The following RNF38 variants were observed in gnomAD, a reference collection of about 807,000 sequenced individuals.
RNF38 encodes ring finger protein 38.
In RNF38, 15 loss-of-function variants were observed where a neutral mutation model predicts 67.2. The observed-to-expected ratio is 0.22, with a 90% CI of 0.15 to 0.34. The LOEUF is 0.34. Among genes scored for constraint, RNF38 ranks in the 10% least tolerant of loss-of-function variants. The pLI is 1.00. For missense variants in RNF38, 524 were observed against 639.9 expected (o/e 0.82, Z 1.95); for synonymous variants, 220 against 218.8 (o/e 1.01, Z -0.05).
intron 2 of RNF38, among the ~76,000 whole-genome samples, chr9:36,421,719 C>T (rs1373640590): frequency 6.6e-6 from 1 of 152,044 alleles, no homozygotes; most frequent in Non-Finnish European, 1.5e-5. Flanking sequence ...CGTAAACGTG[C>T]TCTATGATCC....
chr9:36,372,737 G>A (rs953326658), intron 3 of RNF38: 1 of 461,920 alleles, frequency 2.2e-6, no homozygotes, highest in East Asian at 3.2e-5. Context: ...GCTTTTCAAA[G>A]AACTCAAAGC....
intron 1 of RNF38, among the ~76,000 whole-genome samples, chr9:36,460,052 T>C (rs1839690846): frequency 6.6e-6 from 1 of 152,162 alleles, no homozygotes; most frequent in African/African-American, 2.4e-5. Flanking sequence ...TGCTTCTTAA[T>C]ATCTAAAAAC....
rs1274611229 is a variant in RNF38, at chr9:36,458,938, G to A, written n.241+28370C>T. On this transcript the variant is annotated intron_variant and non_coding_transcript_variant, in intron 1 of 3. Transcript: ENST00000488058. ...CAGAAAGATTGCCCTCTGGCTGGAC[G>A]CGGTGGATCACCTGTAATCCCAGCA... 9.2e-5 allele frequency among the ~76,000 whole-genome samples: 14 copies of A among 152,244 alleles called. No individual in the cohort carries two copies. The East Asian group carries it at 1.9e-3, about 21-fold the overall frequency.
intron 2 of RNF38, among the ~76,000 whole-genome samples, chr9:36,419,475 T>C (rs1838562250): frequency 6.6e-6 from 1 of 152,204 alleles, no homozygotes; most frequent in African/African-American, 2.4e-5. Flanking sequence ...TGGCAATGTA[T>C]CAAGAACTCT....
intron 1 of RNF38, among the ~76,000 whole-genome samples, chr9:36,393,091 C>T (rs955233282): frequency 2.0e-5 from 3 of 152,162 alleles, no homozygotes; most frequent in Admixed American, 6.5e-5. Context: ...TCCTTTGTAG[C>T]GTGTTATCCT....
At chr9:36,352,900 C>T (rs558060821) in intron 7 of RNF38, 52 bp from the exon 8 acceptor site, 3 of 1,271,848 alleles carry the variant, frequency 2.4e-6, no homozygotes, top group African/African-American at 1.5e-5. Context: ...TTACAAATAG[C>T]CTGTCAAATA....
At chr9:36,362,505 T>C (rs1587508883) in intron 4 of RNF38, among the ~76,000 whole-genome samples, 1 of 148,978 alleles carries the variant, frequency 6.7e-6, no homozygotes, top group South Asian at 2.1e-4. Context: ...TGAACACTCA[T>C]GTAACCATCA....
At chr9:36,428,243 T>C (rs1838839168) in intron 1 of RNF38, among the ~76,000 whole-genome samples, 1 of 151,584 alleles carries the variant, frequency 6.6e-6, no homozygotes, top group Non-Finnish European at 1.5e-5. Context: ...GGTGAAAGCC[T>C]GTCTCTACTA....
At chr9:36,390,676 C>T (rs1045231302) in intron 1 of RNF38, 60 bp from the exon 2 acceptor site, 22 of 1,532,414 alleles carry the variant, frequency 1.4e-5, no homozygotes, top group African/African-American at 8.3e-5. Flanking sequence ...TGGAGAATCA[C>T]GCCTATGAAG....
At chr9:36,485,812 T>A (rs966447950) in intron 1 of RNF38, among the ~76,000 whole-genome samples, 2 of 152,196 alleles carry the variant, frequency 1.3e-5, no homozygotes, top group Non-Finnish European at 2.9e-5. Flanking sequence ...CCCTTCCCTC[T>A]TTTGTCAAGC....
At chr9:36,383,188 A>C (rs1214814896) in intron 2 of RNF38, among the ~76,000 whole-genome samples, 1 of 152,168 alleles carries the variant, frequency 6.6e-6, no homozygotes, top group Non-Finnish European at 1.5e-5. Flanking sequence ...AACTATGTCC[A>C]GATAATACGT....
At chr9:36,423,801 T>G (rs1838694529) in intron 2 of RNF38, among the ~76,000 whole-genome samples, 1 of 88,066 alleles carries the variant, frequency 1.1e-5, no homozygotes, top group African/African-American at 4.0e-5. Context: ...TACAAAAAAT[T>G]AGCCGGGCGT....
chr9:36,478,403 CAAAAAA>C (rs566516265), intron 1 of RNF38, among the ~76,000 whole-genome samples: 2 of 72,286 alleles, frequency 2.8e-5, no homozygotes, highest in African/African-American at 1.0e-4. Context: ...GACTCCGTCT[CAAAAAA>C]AAAAAAAAAA....
chr9:36,401,221 G>GGCGGA (rs1309153317), upstream of RNF38: 68 of 980,692 alleles, frequency 6.9e-5, 1 homozygote, highest in East Asian at 6.5e-3. Context: ...GGCGGGGCGG[G>GGCGGA]GCTGCGCGCG....
At chr9:36,394,135 C>T (rs564148025) in intron 1 of RNF38, among the ~76,000 whole-genome samples, 3 of 152,154 alleles carry the variant, frequency 2.0e-5, no homozygotes, top group East Asian at 3.9e-4. Flanking sequence ...ATTAGCTGGG[C>T]GTGGTGGCGC....
At chr9:36,487,223 G>C in intron 1 of RNF38, 2 of 843,816 alleles carry the variant, frequency 2.4e-6, no homozygotes, top group Non-Finnish European at 2.9e-6. Context: ...CGGCGGGGCC[G>C]GGCGCCTGGA....
intron 2 of RNF38, among the ~76,000 whole-genome samples, chr9:36,416,029 T>C (rs1838457243): frequency 6.6e-6 from 1 of 151,800 alleles, no homozygotes; most frequent in African/African-American, 2.4e-5. Flanking sequence ...CTTGGATAAG[T>C]ATTCTGATTT....
At chr9:36,368,739 T>C (rs1835155054) in intron 4 of RNF38, among the ~76,000 whole-genome samples, 2 of 152,188 alleles carry the variant, frequency 1.3e-5, no homozygotes, top group African/African-American at 4.8e-5. Context: ...TATGTGTTAT[T>C]GTTTATTATC....
chr9:36,450,027 C>T (rs1839398710), intron 1 of RNF38, among the ~76,000 whole-genome samples: 1 of 152,202 alleles, frequency 6.6e-6, no homozygotes, highest in Non-Finnish European at 1.5e-5. Flanking sequence ...TATATGCGAT[C>T]ATATACTATC....
Sources: gnomAD v4.1 joint callset for allele counts (sites outside exome capture counted in the v4.1 genomes callset) on GRCh38, gnomAD v4.1.1 for gene constraint, MANE v1.5 for transcripts, NCBI Gene and HGNC (gene_info 2026-07-23, HGNC 2026-07-21) for gene names.